The following LRRC40 variants were observed in gnomAD, a reference collection of about 807,000 sequenced individuals.
LRRC40 encodes the protein leucine rich repeat containing 40, also known as leucine-rich repeat-containing protein 40.
Under a neutral mutation model 72.8 loss-of-function variants are expected in LRRC40, and 76 were observed. The observed-to-expected ratio is 1.04, with a 90% CI of 0.87 to 1.26. The LOEUF (loss-of-function observed/expected upper bound fraction) is 1.26, where lower values mean the gene tolerates loss of function less well. LRRC40 is among the 50% of genes most tolerant of loss of function. LRRC40 has a pLI of 0.00. For synonymous variants in LRRC40, 243 were observed against 254.2 expected, an observed-to-expected ratio of 0.96 and a Z score of 0.42; for missense variants, 684 against 698.9, an observed-to-expected ratio of 0.98 and a Z score of 0.24.
At chr1:70,188,832 G>C (rs1668425715) in intron 2 of LRRC40, among the ~76,000 whole-genome samples, 2 of 152,160 alleles carry the variant, frequency 1.3e-5, no homozygotes, top group Non-Finnish European at 2.9e-5. Context: ...AGTAGTATCA[G>C]TCTTGGTTTA....
At chr1:70,182,913 G>A (rs1484930282) in intron 4 of LRRC40, among the ~76,000 whole-genome samples, 1 of 152,054 alleles carries the variant, frequency 6.6e-6, no homozygotes, top group Non-Finnish European at 1.5e-5. Flanking sequence ...ACATGTGGGT[G>A]GATAGTAGAA....
At chr1:70,171,785 C>T (rs971839199) in intron 9 of LRRC40, among the ~76,000 whole-genome samples, 22 of 152,070 alleles carry the variant, frequency 1.4e-4, no homozygotes, top group African/African-American at 5.3e-4. Context: ...AACAGTTTGG[C>T]AGTTCTTCAA....
chr1:70,187,652 T>C (rs1668391566), intron 2 of LRRC40, among the ~76,000 whole-genome samples: 1 of 148,476 alleles, frequency 6.7e-6, no homozygotes, highest in Non-Finnish European at 1.5e-5. Flanking sequence ...TAGTGAGACC[T>C]TGTCTCTACA....
chr1:70,176,595 A>C (rs1668111239), intron 6 of LRRC40, among the ~76,000 whole-genome samples: 1 of 151,798 alleles, frequency 6.6e-6, no homozygotes, highest in Admixed American at 6.6e-5. Context: ...TTAAATAATA[A>C]AAATATAAAT....
intron 7 of LRRC40, among the ~76,000 whole-genome samples, chr1:70,175,562 A>T (rs1045744711): frequency 7.2e-5 from 11 of 152,160 alleles, no homozygotes. Flanking sequence ...AGTAAGAGTA[A>T]TAATACTAAT....
intron 9 of LRRC40, among the ~76,000 whole-genome samples, chr1:70,161,603 A>C (rs942591240): frequency 2.6e-5 from 4 of 151,724 alleles, no homozygotes; most frequent in Non-Finnish European, 5.9e-5. Flanking sequence ...TCATTTGGTG[A>C]GTTTGGAGGG....
In LRRC40 at chr1:70,152,471, C is replaced by T. The variant is rs370501297; in HGVS notation, c.1401G>A (p.Glu467=). 40 of 1,604,888 alleles carry T rather than the reference C, an allele frequency of 2.5e-5. No homozygotes were observed. Among genetic ancestry groups the T allele is most frequent in the Non-Finnish European group, 2.9e-5 (34 of 1,172,346 alleles). Reference sequence around the variant, plus strand: ...AAGTCAATTTCTGAAGCACACATAACTCCAAGGATATAAAGGAAAGTTTAT... The same window carrying T: ...AAGTCAATTTCTGAAGCACACATAATTCCAAGGATATAAAGGAAAGTTTAT... ...SFNKLSFISL[E]LCVLQKLTFL... is the part of the protein sequence containing the mutation. The change falls in exon 12 of 15, where the codon GAG becomes GAA. Residue 467 remains glutamate, a synonymous_variant. Transcript: ENST00000370952.
In LRRC40 at chr1:70,192,323, C is replaced by A. The variant is rs115316432; in HGVS notation, c.152-3050G>T. On this transcript the variant is annotated intron_variant, in intron 1 of 14. Transcript: ENST00000370952. ...TGATTTTTGTACATTGATTTTGTATCCTGAAACTTTGCTGAAAAGGGAACC... is the reference window on the plus strand; with the variant it reads ...TGATTTTTGTACATTGATTTTGTATACTGAAACTTTGCTGAAAAGGGAACC... Among the ~76,000 whole-genome samples the A allele has an allele frequency of 8.8e-3, 1,338 of 151,902 alleles. 14 individuals are homozygous for A. Among genetic ancestry groups the A allele is most frequent in the Non-Finnish European group, 0.014 (939 of 67,888 alleles).
At chr1:70,195,379 A>AG (rs1185412157) in intron 1 of LRRC40, among the ~76,000 whole-genome samples, 1 of 152,052 alleles carries the variant, frequency 6.6e-6, no homozygotes, top group East Asian at 1.9e-4. Context: ...TTAAAAAAAA[A>AG]AAAAGACAAA....
At chr1:70,170,377 G>T (rs1362809965) in intron 9 of LRRC40, among the ~76,000 whole-genome samples, 1 of 152,150 alleles carries the variant, frequency 6.6e-6, no homozygotes, top group African/African-American at 2.4e-5. Context: ...GTCCTGGAGG[G>T]TCTAGCCAAA....
At chr1:70,146,517 T>C (rs1667299729) in intron 14 of LRRC40, among the ~76,000 whole-genome samples, 1 of 152,164 alleles carries the variant, frequency 6.6e-6, no homozygotes, top group Non-Finnish European at 1.5e-5. Flanking sequence ...TTTTAATAGA[T>C]GAGGAAATAC....
At position 70,144,902 on chromosome 1, in the gene LRRC40, G is replaced by GCTAT. The variant is rs1207460964; in HGVS notation, c.*894_*897dup. The GCTAT allele has an allele frequency of 6.6e-6, 1 of 151,970 alleles. No homozygotes were observed. The highest frequency in any genetic ancestry group is 1.5e-5 in the Non-Finnish European group (1 of 68,000). 9.4% of individuals were successfully genotyped at this position (151,970 alleles called of 1,614,324 possible). A position where few individuals can be genotyped will look rare whatever the true frequency, so the allele number is the denominator to read the frequency against. The stretch of plus-strand genomic sequence containing the variant: ...ATAAGCATGCCTCAATCATCCAAAA[G>GCTAT]CTATCTACCTATCTATATAAATTGA... On this transcript the variant is annotated 3_prime_UTR_variant, in exon 15 of 15. Transcript: ENST00000370952.
At chr1:70,205,077 T>C (rs139295357) in intron 1 of LRRC40, among the ~76,000 whole-genome samples, 2 of 152,270 alleles carry the variant, frequency 1.3e-5, no homozygotes, top group East Asian at 3.9e-4. Flanking sequence ...GATTTGCCCG[T>C]GATTTGATAG....
chr1:70,161,177 C>T (rs889691086), intron 9 of LRRC40, among the ~76,000 whole-genome samples: 8 of 151,252 alleles, frequency 5.3e-5, no homozygotes, highest in Non-Finnish European at 1.0e-4. Flanking sequence ...CTCCACCTCC[C>T]GAGTTCACGC....
At chr1:70,202,524 T>C (rs1326238213) in intron 1 of LRRC40, among the ~76,000 whole-genome samples, 1 of 152,156 alleles carries the variant, frequency 6.6e-6, no homozygotes, top group Non-Finnish European at 1.5e-5. Flanking sequence ...TGCCCACAGT[T>C]CAGGGGAAGA....
intron 13 of LRRC40, among the ~76,000 whole-genome samples, chr1:70,150,911 C>A (rs1003177462): frequency 3.3e-5 from 5 of 152,056 alleles, no homozygotes; most frequent in Non-Finnish European, 7.4e-5. Flanking sequence ...ACAGGTTTCT[C>A]AAAATGGTAA....
At chr1:70,170,132 T>C (rs1667969906) in intron 9 of LRRC40, among the ~76,000 whole-genome samples, 1 of 152,094 alleles carries the variant, frequency 6.6e-6, no homozygotes. Flanking sequence ...ATACAGCATA[T>C]TAACAGAATT....
chr1:70,199,388 T>C (rs1442552044), intron 1 of LRRC40, among the ~76,000 whole-genome samples: 1 of 152,126 alleles, frequency 6.6e-6, no homozygotes, highest in Non-Finnish European at 1.5e-5. Context: ...TAATAAATGG[T>C]ATTTTTCAAA....
chr1:70,158,870 TC>T (rs1424175859), intron 10 of LRRC40, among the ~76,000 whole-genome samples: 3 of 152,276 alleles, frequency 2.0e-5, no homozygotes, highest in African/African-American at 7.2e-5. Context: ...ATACTGTCAT[TC>T]TTTTTTTTTA....
Sources: gnomAD v4.1 joint callset for allele counts (sites outside exome capture counted in the v4.1 genomes callset) on GRCh38, gnomAD v4.1.1 for gene constraint, MANE v1.5 for transcripts, NCBI Gene and HGNC (gene_info 2026-07-23, HGNC 2026-07-21) for gene names.